Variants in ADPGK observed in about 807,000 individuals in gnomAD.
ADPGK encodes ADP dependent glucokinase.
ADPGK carries 26 observed loss-of-function variants against 42.4 expected under a neutral mutation model. The observed-to-expected ratio is 0.61, with a 90% CI of 0.45 to 0.85. The LOEUF (loss-of-function observed/expected upper bound fraction) is 0.85. Among genes scored for constraint, ADPGK ranks in the 40% least tolerant of loss-of-function variants. The pLI, the probability that ADPGK is intolerant of heterozygous loss-of-function variation, is 0.00. For missense variants in ADPGK, 571 were observed against 627.0 expected, an observed-to-expected ratio of 0.91 and a Z score of 0.95; for synonymous variants, 267 against 252.6, an observed-to-expected ratio of 1.06 and a Z score of -0.54.
At chr15:72,782,294 G>A (rs1009658871) in intron 1 of ADPGK, among the ~76,000 whole-genome samples, 5 of 151,992 alleles carry the variant, frequency 3.3e-5, no homozygotes, top group African/African-American at 4.8e-5. Flanking sequence ...TGGGAGGCTG[G>A]CTTGAGCTCA....
intron 4 of ADPGK, chr15:72,757,201 CTTTT>C (rs34450649): frequency 8.1e-5 from 10 of 123,402 alleles, no homozygotes; most frequent in Non-Finnish European, 1.3e-4. Context: ...TTCTTTTTTC[CTTTT>C]TTTTTTTTTT....
At chr15:72,781,976 G>A (rs1288668179) in intron 1 of ADPGK, among the ~76,000 whole-genome samples, 1 of 152,200 alleles carries the variant, frequency 6.6e-6, no homozygotes, top group Non-Finnish European at 1.5e-5. Flanking sequence ...TGCAAGCTAG[G>A]AAGAGAGGCC....
At chr15:72,782,764 G>C (rs1017475289) in intron 1 of ADPGK, 3 of 152,038 alleles carry the variant, frequency 2.0e-5, no homozygotes, top group Admixed American at 6.6e-5. Flanking sequence ...AAGTCAAATC[G>C]AACTGAGACA....
intron 1 of ADPGK, among the ~76,000 whole-genome samples, chr15:72,776,606 CA>C (rs2066395484): frequency 6.6e-6 from 1 of 152,128 alleles, no homozygotes; most frequent in African/African-American, 2.4e-5. Context: ...CTACTTTTAA[CA>C]TGCTTGTATT....
chr15:72,761,272 T>G (rs758425990), intron 3 of ADPGK, among the ~76,000 whole-genome samples: 6 of 152,206 alleles, frequency 3.9e-5, no homozygotes, highest in African/African-American at 9.6e-5. Context: ...CATGGGATGT[T>G]GTCTGCAACA....
intron 3 of ADPGK, among the ~76,000 whole-genome samples, chr15:72,768,702 T>C (rs1241533109): frequency 1.3e-5 from 2 of 151,384 alleles, no homozygotes; most frequent in African/African-American, 4.9e-5. Context: ...ATAGGTGTGG[T>C]GGCTCACACC....
At chr15:72,754,246 C>A (rs940043822) in intron 6 of ADPGK, among the ~76,000 whole-genome samples, 15 of 152,264 alleles carry the variant, frequency 9.9e-5, no homozygotes, top group African/African-American at 3.4e-4. Context: ...GGGCCAACTG[C>A]AGGACTTAAC....
intron 1 of ADPGK, among the ~76,000 whole-genome samples, chr15:72,775,713 G>T (rs1246758139): frequency 6.6e-6 from 1 of 152,088 alleles, no homozygotes; most frequent in Non-Finnish European, 1.5e-5. Flanking sequence ...CTGCCTCTTA[G>T]AATTTAGTGG....
chr15:72,765,716 G>A (rs934320677), intron 3 of ADPGK, among the ~76,000 whole-genome samples: 2 of 152,170 alleles, frequency 1.3e-5, no homozygotes, highest in African/African-American at 2.4e-5. Flanking sequence ...CTGCAGATGT[G>A]GTGAAAACAG....
Position 72,752,711 on chromosome 15 carries a change from TC to T in ADPGK, c.1123del (p.Asp375IlefsTer46). 1 of 1,614,176 alleles carries T rather than the reference TC, an allele frequency of 6.2e-7. No individual in the cohort carries two copies. Among genetic ancestry groups the T allele is most frequent in the Non-Finnish European group, 8.5e-7 (1 of 1,180,030 alleles). On this transcript the variant is annotated frameshift_variant, in exon 7 of 7. Transcript: ENST00000456471. LOFTEE classifies it high-confidence loss of function. ...CGTGTGGAAATGGATCCTGGTGAGA[TC>T]CGAGGCTCTGCTTTTACTCCTCCCA... ...EHGRSKSRAS[D>X]LTRIHFHTLV...
At chr15:72,781,778 A>G (rs1036354939) in intron 1 of ADPGK, among the ~76,000 whole-genome samples, 1 of 152,186 alleles carries the variant, frequency 6.6e-6, no homozygotes, top group African/African-American at 2.4e-5. Context: ...TCCACCCCCC[A>G]CCAATTCATA....
Position 72,752,784 on chromosome 15 carries a change from C to T in ADPGK, c.1051G>A (p.Asp351Asn), listed in dbSNP as rs1031673893. ...AGGATGTCACTGACCATGCCCACAT[C>T]AGGAACACCGTTCCAGGAAGAGAGA... ...SSLSSWNGVP[D>N]VGMVSDILFW... Residue 351 changes from aspartate (D) to asparagine (N), a missense_variant, in exon 7 of 7, where the codon GAT becomes AAT. Physicochemically the swap from Asp to Asn is conservative, Grantham distance 23 (BLOSUM62 1). Coordinates refer to ENST00000456471, the MANE Select transcript of ADPGK (RefSeq NM_001365225.1). The T allele has an allele frequency of 2.5e-6, 4 of 1,614,246 alleles. No individual in the cohort carries two copies. Among genetic ancestry groups the T allele is most frequent in the Non-Finnish European group, 3.4e-6 (4 of 1,180,050 alleles).
chr15:72,760,364 C>T (rs1255471250), intron 4 of ADPGK, 43 bp downstream of exon 4: 1 of 1,560,516 alleles, frequency 6.4e-7, no homozygotes, highest in Non-Finnish European at 8.8e-7. Context: ...CAATACACAG[C>T]CCCTTGACTG....
At chr15:72,775,166 G>T in intron 1 of ADPGK, 69 bp from the exon 2 acceptor site, 3 of 1,352,088 alleles carry the variant, frequency 2.2e-6, no homozygotes, top group Non-Finnish European at 3.1e-6. Context: ...TTTAACAAAA[G>T]GAAAATGTTT....
intron 1 of ADPGK, among the ~76,000 whole-genome samples, chr15:72,778,410 C>A (rs2066416082): frequency 6.6e-6 from 1 of 152,094 alleles, no homozygotes; most frequent in Non-Finnish European, 1.5e-5. Context: ...ACCTAAGGGG[C>A]TGTATTGTCA....
At chr15:72,780,738 C>A (rs2066447467) in intron 1 of ADPGK, among the ~76,000 whole-genome samples, 1 of 152,204 alleles carries the variant, frequency 6.6e-6, no homozygotes, top group African/African-American at 2.4e-5. Flanking sequence ...GAACATGCCA[C>A]TGCACACGCC....
In ADPGK at chr15:72,769,837, TC is replaced by T. The variant is rs111453740; in HGVS notation, c.522+1945del. ...TGTGATTTTCACCAGTTTTAACTTC[TC>T]CATGCCTCATTTTTCCTATCTGCAA... On this transcript the variant is annotated intron_variant, in intron 3 of 6. Transcript: ENST00000456471. 9.5e-3 allele frequency among the ~76,000 whole-genome samples: 1,449 copies of T among 152,314 alleles called. 26 individuals carry two copies. The highest frequency in any genetic ancestry group is 0.033 in the African/African-American group (1,365 of 41,568).
chr15:72,760,748 T>TG (rs1258521823), intron 3 of ADPGK, among the ~76,000 whole-genome samples: 1 of 152,118 alleles, frequency 6.6e-6, no homozygotes, highest in Non-Finnish European at 1.5e-5. Context: ...TACCCAGAAC[T>TG]GAGAGGCTGA....
At chr15:72,781,045 G>C (rs1219091602) in intron 1 of ADPGK, among the ~76,000 whole-genome samples, 1 of 152,160 alleles carries the variant, frequency 6.6e-6, no homozygotes, top group African/African-American at 2.4e-5. Flanking sequence ...GTGACAGAGA[G>C]TGTGAATACG....
Sources: allele counts gnomAD v4.1 joint callset (sites outside exome capture counted in the v4.1 genomes callset), GRCh38; gene constraint gnomAD v4.1.1; transcripts MANE v1.5; gene names NCBI Gene and HGNC (gene_info 2026-07-23, HGNC 2026-07-21).